RNF157: variants seen among roughly 807,000 people sequenced by gnomAD.
RNF157 encodes E3 ubiquitin ligase RNF157.
A neutral mutation model predicts 88.3 loss-of-function variants in RNF157; 55 were observed. The observed-to-expected ratio is 0.62, with a 90% confidence interval of 0.50 to 0.78. RNF157 has a LOEUF of 0.78. RNF157 is among the 30% of genes least tolerant of loss of function. The pLI, the probability that RNF157 is intolerant of heterozygous loss-of-function variation, is 0.00. For missense variants in RNF157, 788 were observed against 860.8 expected (o/e 0.92, Z 1.06); for synonymous variants, 334 against 341.2 (o/e 0.98, Z 0.23).
At chr17:76,200,553 G>A (rs1282325197) in intron 2 of RNF157, among the ~76,000 whole-genome samples, 1 of 152,200 alleles carries the variant, frequency 6.6e-6, no homozygotes, top group Non-Finnish European at 1.5e-5. Flanking sequence ...GTGGAGGCCA[G>A]AGGCTGGTAG....
chr17:76,202,134 A>T (rs867619041), intron 2 of RNF157, among the ~76,000 whole-genome samples: 4,927 of 126,480 alleles, frequency 0.039, 97 homozygotes, highest in African/African-American at 0.081. Flanking sequence ...TCTCTCACAC[A>T]CACACACACA....
chr17:76,173,589 G>A (rs2069053796), intron 3 of RNF157, 113 bp downstream of exon 3: 1 of 776,702 alleles, frequency 1.3e-6, no homozygotes, highest in African/African-American at 1.8e-5. Flanking sequence ...AGAGAAGCAA[G>A]CTCTGGGGCT....
intron 2 of RNF157, among the ~76,000 whole-genome samples, chr17:76,207,357 A>G (rs2069698281): frequency 6.6e-6 from 1 of 152,122 alleles, no homozygotes; most frequent in Non-Finnish European, 1.5e-5. Flanking sequence ...CAAGAGTTTG[A>G]GGCTGCAGTG....
intron 1 of RNF157, 34 bp from the exon 2 acceptor site, chr17:76,212,516 C>T (rs2069819561): frequency 7.5e-7 from 1 of 1,330,728 alleles, no homozygotes; most frequent in African/African-American, 1.5e-5. Flanking sequence ...ATCAAACAAG[C>T]AGAAAACAGT....
chr17:76,168,120 T>C (rs1397496278), intron 3 of RNF157, among the ~76,000 whole-genome samples: 1 of 152,224 alleles, frequency 6.6e-6, no homozygotes, highest in Non-Finnish European at 1.5e-5. Flanking sequence ...TTCCTCGTCT[T>C]CAGAGGACAC....
chr17:76,237,787 T>C (rs2070306612), intron 1 of RNF157, among the ~76,000 whole-genome samples: 1 of 152,060 alleles, frequency 6.6e-6, no homozygotes, highest in Non-Finnish European at 1.5e-5. Context: ...AGAGTGTCTC[T>C]ACAAAAAACT....
rs150205076 is a variant in RNF157, at chr17:76,167,677, C to T, written c.417G>A (p.Thr139=). The T allele has an allele frequency of 1.6e-5, 26 of 1,613,928 alleles. No homozygotes were observed. The highest frequency in any genetic ancestry group is 2.2e-5 in the South Asian group (2 of 91,084). The change falls in exon 4 of 19, where the codon ACG becomes ACA. Residue 139 remains threonine (T), a synonymous_variant. Coordinates refer to ENST00000269391, the MANE Select transcript of RNF157 (RefSeq NM_052916.3). The stretch of plus-strand genomic sequence containing the variant: ...TGGCAATACCATTCTGGAACTCTTC[C>T]GTGGCCTGGTAATAGATGGTGATGG... ...RVAITIYYQA[T]EEFQNGIASY...
At chr17:76,183,061 A>G (rs1460834562) in intron 2 of RNF157, among the ~76,000 whole-genome samples, 2 of 151,568 alleles carry the variant, frequency 1.3e-5, no homozygotes, top group African/African-American at 4.9e-5. Flanking sequence ...TTGCTTCCCG[A>G]GTAGCTGGGA....
At chr17:76,211,686 G>C (rs2145023530) in intron 2 of RNF157, among the ~76,000 whole-genome samples, 1 of 152,298 alleles carries the variant, frequency 6.6e-6, no homozygotes, top group Middle Eastern at 3.4e-3. Context: ...TAAGTCCTAA[G>C]TCAAGTGGTC....
Position 76,159,464 on chromosome 17 carries a change from C to A in RNF157, c.1175G>T (p.Gly392Val), listed in dbSNP as rs1440870121. The A allele has an allele frequency of 6.2e-7, 1 of 1,610,936 alleles. No homozygotes were observed. Among genetic ancestry groups the A allele is most frequent in the Non-Finnish European group, 8.5e-7 (1 of 1,178,866 alleles). The part of the protein sequence containing the change: ...AVPPLHVLGD[G>V]HLSGMLPSYG... ...TGAAGGGAGCATTCCTGAGAGGTGG[C>A]CATCTCCAAGCACGTGAAGTGGAGG... The change falls in exon 12 of 19, where the codon GGC becomes GTC. Residue 392 changes from glycine to valine, a missense_variant. Physicochemically the swap from Gly to Val is moderately radical, Grantham distance 109. Coordinates refer to ENST00000269391, the MANE Select transcript of RNF157 (RefSeq NM_052916.3).
chr17:76,233,294 C>T (rs2070226976), intron 1 of RNF157, among the ~76,000 whole-genome samples: 1 of 152,056 alleles, frequency 6.6e-6, no homozygotes, highest in East Asian at 1.9e-4. Context: ...TGATACACAT[C>T]CTTTATGTGA....
intron 2 of RNF157, among the ~76,000 whole-genome samples, chr17:76,209,539 G>A (rs1158630871): frequency 2.6e-5 from 4 of 151,136 alleles, no homozygotes; most frequent in Non-Finnish European, 5.9e-5. Flanking sequence ...TATTCCGTGT[G>A]TGGCCCAATG....
intron 5 of RNF157, 139 bp downstream of exon 5, chr17:76,166,870 G>A: frequency 3.0e-6 from 2 of 662,764 alleles, no homozygotes; most frequent in Non-Finnish European, 2.6e-6. Flanking sequence ...GCTTTAAAAG[G>A]ACATGATGAA....
chr17:76,156,484 C>T lies in RNF157; in HGVS notation c.1414-163G>A, dbSNP rs2068766666. 2.8e-6 allele frequency: 4 copies of T among 1,429,168 alleles called. No homozygotes were observed. In the South Asian group the frequency reaches 6.1e-5, roughly 22 times the overall value. The allele number at this position is 1,429,168 out of a possible 1,614,324, so 88.5% of individuals were successfully genotyped here. On this transcript the variant is annotated intron_variant, in intron 13 of 18. Coordinates refer to ENST00000269391, the MANE Select transcript of RNF157 (RefSeq NM_052916.3). ...CCGCAGCTTCTCTCTTCCGTCCTCA[C>T]TTCAGCCCAAGCCTGGAATGACTGC...
chr17:76,189,292 T>A (rs576409584), intron 2 of RNF157, among the ~76,000 whole-genome samples: 1 of 152,360 alleles, frequency 6.6e-6, no homozygotes, highest in East Asian at 1.9e-4. Flanking sequence ...ATATGGCAAC[T>A]CTGTTATCTT....
chr17:76,186,390 C>T (rs1298112203), intron 2 of RNF157, among the ~76,000 whole-genome samples: 2 of 151,782 alleles, frequency 1.3e-5, no homozygotes, highest in African/African-American at 4.8e-5. Context: ...GCCTGTAATC[C>T]CAGCTACTCA....
At chr17:76,181,249 C>G (rs1319417268) in intron 2 of RNF157, among the ~76,000 whole-genome samples, 1 of 152,144 alleles carries the variant, frequency 6.6e-6, no homozygotes, top group African/African-American at 2.4e-5. Flanking sequence ...TCATGGCAAA[C>G]AGTACTGAAT....
chr17:76,226,617 C>T, intron 1 of RNF157: 1 of 1,613,426 alleles, frequency 6.2e-7, no homozygotes, highest in Non-Finnish European at 8.5e-7. Flanking sequence ...AACCCATCCA[C>T]AGTCAGCCAT....
intron 1 of RNF157, among the ~76,000 whole-genome samples, chr17:76,239,657 AC>A (rs2070342903): frequency 6.6e-6 from 1 of 151,420 alleles, no homozygotes; most frequent in Non-Finnish European, 1.5e-5. Flanking sequence ...CCTAATTCTA[AC>A]CTTTCCAGAG....
Sources: gnomAD v4.1 joint callset for allele counts (sites outside exome capture counted in the v4.1 genomes callset) on GRCh38, gnomAD v4.1.1 for gene constraint, MANE v1.5 for transcripts, NCBI Gene and HGNC (gene_info 2026-07-23, HGNC 2026-07-21) for gene names.